The following BRWD3 variants were observed in gnomAD, a reference collection of about 807,000 sequenced individuals.
BRWD3 encodes bromodomain and WD repeat domain containing 3, also known as bromodomain and WD repeat-containing protein 3.
Under a neutral mutation model 149.7 loss-of-function variants are expected in BRWD3, and 10 were observed. That is an observed-to-expected ratio of 0.07 (90% CI 0.04 to 0.11). The LOEUF is 0.11. Ranked by LOEUF, BRWD3 falls within the 10% of genes least tolerant of loss-of-function variation. BRWD3 has a pLI of 1.00. For synonymous variants in BRWD3, 504 were observed against 456.7 expected, an observed-to-expected ratio of 1.10 and a Z score of -1.32; for missense variants, 940 against 1,373.2, an observed-to-expected ratio of 0.68 and a Z score of 4.99.
At chrX:80,807,373 A>G (rs2074358192) in intron 4 of BRWD3, among the ~76,000 whole-genome samples, 1 of 112,306 alleles carries the variant, frequency 8.9e-6, no homozygotes, top group Non-Finnish European at 1.9e-5. Flanking sequence ...CTGTTGTAAG[A>G]TAACACAAAC....
rs777351957 is a variant in BRWD3 at position 80,801,953 on chromosome X, TAA to T, written c.180+6584_180+6585del. On this transcript the variant is annotated intron_variant, in intron 4 of 40. Transcript: ENST00000373275. ...ACTCACAATAAAATTCCCATTTGTT[TAA>T]AAAAAAAAGTGAATACTACACCAGT... is the stretch of plus-strand genomic sequence containing the variant. Among the ~76,000 whole-genome samples the T allele has an allele frequency of 3.7e-5, 4 of 107,519 alleles. No homozygotes were observed. The East Asian group carries it at 1.2e-3, about 31-fold the overall frequency. 93.4% of individuals were successfully genotyped at this position (107,519 alleles called of 115,157 possible).
chrX:80,750,049 T>C (rs945415655), intron 6 of BRWD3, among the ~76,000 whole-genome samples: 1 of 111,801 alleles, frequency 8.9e-6, no homozygotes, highest in African/African-American at 3.2e-5. Flanking sequence ...TGCAAAAGAA[T>C]GAAATTGAAC....
intron 33 of BRWD3, among the ~76,000 whole-genome samples, chrX:80,689,359 A>G (rs1404272291): frequency 8.9e-6 from 1 of 111,765 alleles, no homozygotes. Context: ...ATTTCATGAA[A>G]CTACCAAAAA....
chrX:80,719,441 T>C, intron 18 of BRWD3, 48 bp downstream of exon 18: 1 of 1,073,161 alleles, frequency 9.3e-7, no homozygotes, highest in Non-Finnish European at 1.3e-6. Flanking sequence ...AAAAGTAAAA[T>C]AATTACAGTA....
intron 6 of BRWD3, chrX:80,746,847 T>C: frequency 1.3e-6 from 1 of 752,237 alleles, no homozygotes; most frequent in Non-Finnish European, 1.6e-6. Context: ...AAGTCTTTCT[T>C]TCAGGCAAAG....
rs756712292 is a variant in BRWD3 at position 80,791,972 on chromosome X, G to T, written c.332-20C>A. On this transcript the variant is annotated intron_variant, in intron 5 of 40. Coordinates refer to ENST00000373275, the MANE Select transcript of BRWD3 (RefSeq NM_153252.5). The stretch of plus-strand genomic sequence containing the variant: ...TACAGTCTATATAAAAAGAACAAAG[G>T]TTGCTAAGGAATAGAGCAGTTTTTT... 1.2e-5 allele frequency: 13 copies of T among 1,093,193 alleles called. No homozygotes were observed. The Admixed American group carries it at 3.0e-4, about 25-fold the overall frequency. 90.1% of individuals were successfully genotyped at this position (1,093,193 alleles called of 1,213,427 possible). A position where few individuals can be genotyped will look rare whatever the true frequency, so the allele number is the denominator to read the frequency against.
intron 19 of BRWD3, chrX:80,717,284 C>T (rs182966934): frequency 6.7e-6 from 2 of 297,471 alleles, no homozygotes; most frequent in East Asian, 1.4e-4. Flanking sequence ...TTATGTAAGA[C>T]CTCATGAGTT....
intron 6 of BRWD3, among the ~76,000 whole-genome samples, chrX:80,762,258 C>T (rs917201001): frequency 1.8e-5 from 2 of 111,245 alleles, no homozygotes; most frequent in Non-Finnish European, 3.8e-5. Flanking sequence ...CTTGAATGGA[C>T]GTTAAAGATA....
chrX:80,788,085 A>AAAATAAATAAAT (rs554615479), intron 6 of BRWD3, among the ~76,000 whole-genome samples: 1 of 88,257 alleles, frequency 1.1e-5, no homozygotes, highest in Non-Finnish European at 2.2e-5. Flanking sequence ...CTCTGTCTCA[A>AAAATAAATAAAT]AAATAAATAA....
chrX:80,685,333 A>G (rs2072506664), intron 36 of BRWD3, 129 bp downstream of exon 36: 3 of 583,259 alleles, frequency 5.1e-6, no homozygotes, highest in African/African-American at 4.6e-5. Flanking sequence ...TGACCAAAAA[A>G]TCAAACAAAG....
intron 10 of BRWD3, 31 bp from the exon 11 acceptor site, chrX:80,734,249 G>C: frequency 1.0e-6 from 1 of 983,805 alleles, no homozygotes; most frequent in Admixed American, 2.2e-5. Flanking sequence ...ACAAAACATA[G>C]TACCAAGGAA....
intron 8 of BRWD3, among the ~76,000 whole-genome samples, chrX:80,741,128 C>T (rs757554335): frequency 1.8e-5 from 2 of 109,370 alleles, no homozygotes; most frequent in East Asian, 5.8e-4. Context: ...TCTCATTGTT[C>T]AATTCCCACC....
intron 30 of BRWD3, 123 bp from the exon 31 acceptor site, chrX:80,691,296 G>T (rs934954667): frequency 1.4e-6 from 1 of 723,684 alleles, no homozygotes; most frequent in African/African-American, 2.2e-5. Context: ...AAACCATGAG[G>T]ATTCCATTAT....
intron 4 of BRWD3, among the ~76,000 whole-genome samples, chrX:80,803,101 C>CAAAAA (rs61306754): frequency 2.6e-3 from 62 of 23,957 alleles, no homozygotes; most frequent in East Asian, 7.7e-3. Context: ...GACTCCATCT[C>CAAAAA]AAAAAAAAAA....
rs758016868 is a variant in BRWD3, at chrX:80,719,519, G to T, written c.2014C>A (p.Pro672Thr). 2 of 1,208,548 alleles carry T rather than the reference G, an allele frequency of 1.7e-6. No individual in the cohort carries two copies. The highest frequency in any genetic ancestry group is 5.9e-5 in the East Asian group (2 of 33,760). Residue 672 changes from proline (P) to threonine (T), a missense_variant, in exon 18 of 41, where the codon CCA becomes ACA. Physicochemically the swap from Pro to Thr is conservative, Grantham distance 38 (BLOSUM62 -1). Transcript: ENST00000373275. ...TTAACAGAGTATGCTCTATTAACTGGTAAATGTGGAACATCTCCTTCATTA... is the reference window on the plus strand; with the variant it reads ...TTAACAGAGTATGCTCTATTAACTGTTAAATGTGGAACATCTCCTTCATTA... The part of the protein sequence containing the change: ...LINEGDVPHL[P>T]VNRAYSVNGA...
chrX:80,694,481 C>T (rs139425833), intron 27 of BRWD3, among the ~76,000 whole-genome samples: 14 of 110,545 alleles, frequency 1.3e-4, no homozygotes, highest in African/African-American at 4.0e-4. Context: ...CGACAACGTG[C>T]GCCGTGTGCC....
chrX:80,696,980 T>A, intron 25 of BRWD3, 117 bp from the exon 26 acceptor site: 1 of 727,612 alleles, frequency 1.4e-6, no homozygotes, highest in Non-Finnish European at 2.1e-6. Context: ...TGCCAGGCAC[T>A]ACACTAAGTG....
At chrX:80,769,592 A>G (rs1407534113) in intron 6 of BRWD3, among the ~76,000 whole-genome samples, 1 of 111,748 alleles carries the variant, frequency 8.9e-6, no homozygotes, top group Non-Finnish European at 1.9e-5. Context: ...CATTTAAAGC[A>G]GTGTGTAGAG....
At chrX:80,779,022 A>C (rs1360775081) in intron 6 of BRWD3, among the ~76,000 whole-genome samples, 2 of 110,707 alleles carry the variant, frequency 1.8e-5, no homozygotes, top group Non-Finnish European at 3.8e-5. Context: ...TTAATTAGAA[A>C]ACAGAACGTG....
Sources: allele counts gnomAD v4.1 joint callset (sites outside exome capture counted in the v4.1 genomes callset), GRCh38; gene constraint gnomAD v4.1.1; transcripts MANE v1.5; gene names NCBI Gene and HGNC (gene_info 2026-07-23, HGNC 2026-07-21).